ITGA9: variants seen among roughly 807,000 people sequenced by gnomAD.
The protein encoded by ITGA9 is integrin alpha-9.
A neutral mutation model predicts 127.8 loss-of-function variants in ITGA9; 56 were observed. The observed-to-expected ratio is 0.44, with a 90% CI of 0.35 to 0.55. The LOEUF (loss-of-function observed/expected upper bound fraction) is 0.55. ITGA9 is among the 20% of genes least tolerant of loss of function. The pLI, the probability that ITGA9 is intolerant of heterozygous loss-of-function variation, is 0.00. For synonymous variants in ITGA9, 508 were observed against 514.5 expected (o/e 0.99, Z 0.17); for missense variants, 1,196 against 1,347.1 (o/e 0.89, Z 1.76).
At chr3:37,638,173 G>C (rs759846880) in intron 16 of ITGA9, among the ~76,000 whole-genome samples, 1 of 152,076 alleles carries the variant, frequency 6.6e-6, no homozygotes, top group Non-Finnish European at 1.5e-5. Context: ...AAATCAACGA[G>C]TAGTAGTATC....
chr3:37,689,589 C>T (rs1250705112), intron 18 of ITGA9, among the ~76,000 whole-genome samples: 7 of 152,096 alleles, frequency 4.6e-5, no homozygotes, highest in East Asian at 1.9e-4. Flanking sequence ...CTCCTGGGGC[C>T]GGGGGGTGCT....
At chr3:37,552,711 C>T (rs911978536) in intron 15 of ITGA9, among the ~76,000 whole-genome samples, 6 of 152,136 alleles carry the variant, frequency 3.9e-5, no homozygotes, top group African/African-American at 9.7e-5. Context: ...ACACGTTTTT[C>T]GCATAAAACA....
At chr3:37,682,037 A>C (rs970152844) in intron 17 of ITGA9, among the ~76,000 whole-genome samples, 1 of 152,160 alleles carries the variant, frequency 6.6e-6, no homozygotes, top group African/African-American at 2.4e-5. Flanking sequence ...TGTTTTCATT[A>C]ATTGTTGCCT....
chr3:37,661,241 A>G (rs1175699414), intron 17 of ITGA9, among the ~76,000 whole-genome samples: 1 of 152,222 alleles, frequency 6.6e-6, no homozygotes, highest in African/African-American at 2.4e-5. Context: ...TCTCTCTGGA[A>G]TTCAGACATG....
At chr3:37,739,890 G>A (rs1408471903) in intron 20 of ITGA9, among the ~76,000 whole-genome samples, 1 of 152,196 alleles carries the variant, frequency 6.6e-6, no homozygotes, top group Non-Finnish European at 1.5e-5. Flanking sequence ...CCACAGCAGT[G>A]ATCCCAAGGC....
chr3:37,505,147 G>A (rs1305734368), intron 6 of ITGA9, among the ~76,000 whole-genome samples: 4 of 152,146 alleles, frequency 2.6e-5, no homozygotes, highest in Non-Finnish European at 4.4e-5. Flanking sequence ...GTAGGAGGGA[G>A]TGTGGTTAAC....
At chr3:37,639,648 T>C (rs1700313656) in intron 16 of ITGA9, among the ~76,000 whole-genome samples, 1 of 152,182 alleles carries the variant, frequency 6.6e-6, no homozygotes, top group Admixed American at 6.5e-5. Context: ...ATTTTGCAGT[T>C]TGGGGAGATC....
Position 37,741,838 on chromosome 3 carries a change from G to A in ITGA9, c.2324+19G>A. 1 of 1,595,290 alleles carries A rather than the reference G, an allele frequency of 6.3e-7. No individual in the cohort carries two copies. The highest frequency in any genetic ancestry group is 8.6e-7 in the Non-Finnish European group (1 of 1,165,022). ...TCACCGGGTGAGTAGCCTGGTCCTG[G>A]GTTGCCACAACACAGGAGTGCCCTC... On this transcript the variant is annotated intron_variant, in intron 21 of 27. Coordinates refer to ENST00000264741, the MANE Select transcript of ITGA9 (RefSeq NM_002207.3).
intron 15 of ITGA9, among the ~76,000 whole-genome samples, chr3:37,621,526 CT>C (rs1700128655): frequency 6.6e-6 from 1 of 152,200 alleles, no homozygotes; most frequent in East Asian, 1.9e-4. Context: ...CAAGACAGAG[CT>C]GAGATCCAGT....
intron 16 of ITGA9, among the ~76,000 whole-genome samples, chr3:37,638,015 A>T (rs921547715): frequency 6.6e-6 from 1 of 152,194 alleles, no homozygotes; most frequent in African/African-American, 2.4e-5. Flanking sequence ...ATTCTCATGC[A>T]GCTAAAGTAT....
intron 15 of ITGA9, among the ~76,000 whole-genome samples, chr3:37,596,302 C>G (rs1441448837): frequency 1.3e-5 from 2 of 152,140 alleles, no homozygotes; most frequent in Non-Finnish European, 2.9e-5. Flanking sequence ...GACCCTTAGT[C>G]CCTTATCAAC....
chr3:37,818,823 GC>G, intron 27 of ITGA9, 67 bp from the exon 28 acceptor site: 1 of 1,193,106 alleles, frequency 8.4e-7, no homozygotes, highest in South Asian at 1.2e-5. Flanking sequence ...GGGACAGACT[GC>G]CTTGGGGTCA....
At chr3:37,619,734 C>T (rs1700109889) in intron 15 of ITGA9, among the ~76,000 whole-genome samples, 1 of 152,230 alleles carries the variant, frequency 6.6e-6, no homozygotes, top group Non-Finnish European at 1.5e-5. Flanking sequence ...CCAGCCAGAT[C>T]TTTTATGCGG....
Position 37,684,029 on chromosome 3 carries a change from C to G in ITGA9, c.2067+14C>G. 1 of 1,611,236 alleles carries G rather than the reference C, an allele frequency of 6.2e-7. No homozygotes were observed. The highest frequency in any genetic ancestry group is 1.7e-5 in the Admixed American group (1 of 60,010). On this transcript the variant is annotated intron_variant, in intron 18 of 27. Transcript: ENST00000264741. ...ATGTGGCAGAAGGTAAGGAGGGCAT[C>G]CCTGTAAAAAGAGCAGTTGTTCCAT...
At chr3:37,552,308 C>A (rs1256583592) in intron 15 of ITGA9, among the ~76,000 whole-genome samples, 1 of 152,088 alleles carries the variant, frequency 6.6e-6, no homozygotes, top group Non-Finnish European at 1.5e-5. Context: ...AGAAAGGAAG[C>A]CTGGCCCCTG....
intron 26 of ITGA9, among the ~76,000 whole-genome samples, chr3:37,800,833 C>T (rs558039625): frequency 2.0e-5 from 3 of 152,160 alleles, no homozygotes; most frequent in African/African-American, 7.2e-5. Context: ...AGTGGACATG[C>T]CACAGCCTGG....
At chr3:37,495,227 A>G (rs1429113593) in intron 5 of ITGA9, among the ~76,000 whole-genome samples, 1 of 152,182 alleles carries the variant, frequency 6.6e-6, no homozygotes, top group African/African-American at 2.4e-5. Flanking sequence ...TGCTAGGATT[A>G]CAGGCTGAGC....
rs1210685665 is a variant in ITGA9, at chr3:37,514,281, A to G, written c.1035+381A>G. Among the ~76,000 whole-genome samples the G allele has an allele frequency of 5.3e-5, 8 of 152,318 alleles. No individual in the cohort carries two copies. In the East Asian group the frequency reaches 7.7e-4, roughly 15 times the overall value. ...GTAATGTGTCCCAAACCACACAGCTAAGAAGTGGGGCTGGGATTTGAACCT... is the reference window on the plus strand; with the variant it reads ...GTAATGTGTCCCAAACCACACAGCTGAGAAGTGGGGCTGGGATTTGAACCT... On this transcript the variant is annotated intron_variant, in intron 9 of 27. Transcript: ENST00000264741.
At chr3:37,518,089 T>TAC (rs1371389063) in intron 10 of ITGA9, among the ~76,000 whole-genome samples, 1 of 144,360 alleles carries the variant, frequency 6.9e-6, no homozygotes, top group African/African-American at 2.7e-5. Flanking sequence ...TTTGAGAGTG[T>TAC]ACGCGTGTGT....
Sources: allele counts gnomAD v4.1 joint callset (sites outside exome capture counted in the v4.1 genomes callset), GRCh38; gene constraint gnomAD v4.1.1; transcripts MANE v1.5; gene names NCBI Gene and HGNC (gene_info 2026-07-23, HGNC 2026-07-21).